ARF4: variants seen among roughly 807,000 people sequenced by gnomAD.
ARF4 encodes ADP-ribosylation factor 4.
In ARF4, 5 loss-of-function variants were observed where a neutral mutation model predicts 24.3. The observed-to-expected ratio is 0.21, with a 90% CI of 0.11 to 0.43. The LOEUF is 0.43. ARF4 is among the 20% of genes least tolerant of loss of function. ARF4 has a pLI of 1.00. For missense variants in ARF4, 107 were observed against 213.0 expected, an observed-to-expected ratio of 0.50 and a Z score of 3.10; for synonymous variants, 62 against 73.5, an observed-to-expected ratio of 0.84 and a Z score of 0.80.
intron 1 of ARF4, among the ~76,000 whole-genome samples, chr3:57,588,784 C>G (rs1342637898): frequency 1.4e-5 from 2 of 146,308 alleles, no homozygotes; most frequent in African/African-American, 5.1e-5. Context: ...TGGCAAAACC[C>G]TGTCACTACA....
Position 57,572,126 on chromosome 3 carries a change from T to C in ARF4, c.*86A>G. 1 of 1,062,776 alleles carries C rather than the reference T, an allele frequency of 9.4e-7. No individual in the cohort carries two copies. The highest frequency in any genetic ancestry group is 1.5e-6 in the Non-Finnish European group (1 of 684,988). The allele number at this position is 1,062,776 out of a possible 1,614,324, so 65.8% of individuals were successfully genotyped here. ...GCCCAAACCAGTCCCAGATACTGTT[T>C]AATAACCAAGATACAAACTAATTTT... On this transcript the variant is annotated 3_prime_UTR_variant, in exon 6 of 6. Coordinates refer to ENST00000303436, the MANE Select transcript of ARF4 (RefSeq NM_001660.4).
At chr3:57,589,717 C>CA (rs1199121444) in intron 1 of ARF4, among the ~76,000 whole-genome samples, 1 of 151,208 alleles carries the variant, frequency 6.6e-6, no homozygotes, top group Non-Finnish European at 1.5e-5. Context: ...GACTCCGTCT[C>CA]AAAAAAACAA....
At chr3:57,586,637 T>C (rs907652646) in intron 1 of ARF4, among the ~76,000 whole-genome samples, 1 of 152,170 alleles carries the variant, frequency 6.6e-6, no homozygotes, top group African/African-American at 2.4e-5. Flanking sequence ...CAAGCCCTCA[T>C]TCATGAGCAT....
chr3:57,586,438 C>A (rs1178847973), intron 1 of ARF4, among the ~76,000 whole-genome samples: 2 of 152,222 alleles, frequency 1.3e-5, no homozygotes, highest in Admixed American at 6.5e-5. Flanking sequence ...GCGAAGGCTA[C>A]AGGCAATTCT....
chr3:57,579,211 G>A (rs1389193724), intron 3 of ARF4, among the ~76,000 whole-genome samples: 5 of 112,522 alleles, frequency 4.4e-5, no homozygotes, highest in East Asian at 6.2e-4. Context: ...CCGAGATGGC[G>A]CCATTGCACT....
intron 1 of ARF4, among the ~76,000 whole-genome samples, chr3:57,590,304 G>A (rs1366249149): frequency 6.6e-6 from 1 of 151,454 alleles, no homozygotes; most frequent in Non-Finnish European, 1.5e-5. Context: ...GGCCAAGATG[G>A]TGAAACCCTG....
At chr3:57,586,281 G>C (rs1230394823) in intron 1 of ARF4, among the ~76,000 whole-genome samples, 1 of 148,598 alleles carries the variant, frequency 6.7e-6, no homozygotes, top group East Asian at 1.9e-4. Flanking sequence ...TTTAAGCAAG[G>C]ACACTTTCTT....
intron 3 of ARF4, among the ~76,000 whole-genome samples, chr3:57,579,253 C>CAAAAAAAAAAA (rs764058520): frequency 4.2e-5 from 2 of 47,606 alleles, no homozygotes; most frequent in Admixed American, 3.2e-4. Flanking sequence ...AACTACATCT[C>CAAAAAAAAAAA]AAAAAAAAAA....
At position 57,593,196 on chromosome 3, in the gene ARF4, G is replaced by T. The variant is rs941088401; in HGVS notation, c.67+3878C>A. Among the ~76,000 whole-genome samples the T allele has an allele frequency of 5.9e-5, 9 of 152,100 alleles. No homozygotes were observed. The South Asian group carries it at 1.9e-3, about 32-fold the overall frequency. On this transcript the variant is annotated intron_variant, in intron 1 of 5. Coordinates refer to ENST00000303436, the MANE Select transcript of ARF4 (RefSeq NM_001660.4). Reference sequence around the variant, plus strand: ...TGTGCCCCAGAGTATGGGTGACAGAGCAAAACCCTGTCTCAAAAAATAAAA... The same window carrying T: ...TGTGCCCCAGAGTATGGGTGACAGATCAAAACCCTGTCTCAAAAAATAAAA...
chr3:57,585,576 T>A (rs1424870933), intron 1 of ARF4, among the ~76,000 whole-genome samples: 1 of 152,026 alleles, frequency 6.6e-6, no homozygotes, highest in Non-Finnish European at 1.5e-5. Context: ...GTAACAAACC[T>A]GCACATTGTG....
At chr3:57,574,546 A>C (rs2153408375) in intron 5 of ARF4, among the ~76,000 whole-genome samples, 1 of 152,078 alleles carries the variant, frequency 6.6e-6, no homozygotes, top group African/African-American at 2.4e-5. Flanking sequence ...AGTAGCTGGG[A>C]CTAAAGGCAC....
intron 1 of ARF4, among the ~76,000 whole-genome samples, chr3:57,590,093 A>G (rs768758809): frequency 9.4e-5 from 7 of 74,638 alleles, no homozygotes; most frequent in Non-Finnish European, 1.1e-4. Context: ...CTGTCTCAAT[A>G]AATAAATAAA....
chr3:57,581,410 G>A (rs1216313068), intron 3 of ARF4, among the ~76,000 whole-genome samples: 1 of 152,152 alleles, frequency 6.6e-6, no homozygotes, highest in Non-Finnish European at 1.5e-5. Context: ...AAATTACAAA[G>A]CATTCTAAAC....
At chr3:57,588,019 G>C (rs1195391587) in intron 1 of ARF4, among the ~76,000 whole-genome samples, 1 of 152,114 alleles carries the variant, frequency 6.6e-6, no homozygotes, top group Non-Finnish European at 1.5e-5. Flanking sequence ...CAACAATTTT[G>C]AGCCACTTCA....
chr3:57,576,753 A>T (rs1134702), intron 4 of ARF4, among the ~76,000 whole-genome samples: 1 of 151,858 alleles, frequency 6.6e-6, no homozygotes, highest in Admixed American at 6.6e-5. Context: ...GAACACATGA[A>T]AACATTAATC....
intron 1 of ARF4, chr3:57,596,748 G>A: frequency 6.6e-6 from 2 of 300,834 alleles, no homozygotes; most frequent in South Asian, 3.5e-5. Flanking sequence ...AAAGGGCCTC[G>A]CCAAGTGTTT....
intron 1 of ARF4, among the ~76,000 whole-genome samples, chr3:57,590,311 C>T (rs1239196900): frequency 1.3e-5 from 2 of 151,190 alleles, no homozygotes; most frequent in Non-Finnish European, 2.9e-5. Flanking sequence ...ATGGTGAAAC[C>T]CTGTCTCTAC....
intron 1 of ARF4, among the ~76,000 whole-genome samples, chr3:57,591,119 T>C (rs760072032): frequency 7.0e-4 from 107 of 152,246 alleles, no homozygotes; most frequent in Non-Finnish European, 1.3e-3. Flanking sequence ...CATATATTGC[T>C]AGTGGGGATG....
intron 1 of ARF4, among the ~76,000 whole-genome samples, chr3:57,587,604 G>A (rs2070055124): frequency 6.6e-6 from 1 of 151,856 alleles, no homozygotes; most frequent in Non-Finnish European, 1.5e-5. Flanking sequence ...TAATTAAAAT[G>A]TTGGGCTGTT....
Sources: allele counts gnomAD v4.1 joint callset (sites outside exome capture counted in the v4.1 genomes callset), GRCh38; gene constraint gnomAD v4.1.1; transcripts MANE v1.5; gene names NCBI Gene and HGNC (gene_info 2026-07-23, HGNC 2026-07-21).